The following HEMK2 variants were observed in gnomAD, a reference collection of about 807,000 sequenced individuals.
HEMK2 encodes HemK methyltransferase 2, ETF1 glutamine and histone H4 lysine.
the HEMK2 span, among the ~76,000 whole-genome samples, chr21:28,601,677 T>C: frequency 1.3e-5 from 2 of 151,834 alleles, no homozygotes; most frequent in African/African-American, 4.8e-5. Flanking sequence ...GATTGCTCTT[T>C]CTTTCTAGTA....
the HEMK2 span, among the ~76,000 whole-genome samples, chr21:28,861,230 A>G: frequency 6.6e-5 from 10 of 152,218 alleles, no homozygotes; most frequent in African/African-American, 2.4e-4. Context: ...ACAAGATGGC[A>G]GGGGCCAAGT....
At chr21:28,793,048 G>C in the HEMK2 span, among the ~76,000 whole-genome samples, 12 of 152,312 alleles carry the variant, frequency 7.9e-5, no homozygotes, top group South Asian at 2.1e-4. Context: ...TATAATGCCT[G>C]GGAATTCTGT....
the HEMK2 span, among the ~76,000 whole-genome samples, chr21:28,599,935 T>A: frequency 6.6e-6 from 1 of 152,178 alleles, no homozygotes; most frequent in Non-Finnish European, 1.5e-5. Flanking sequence ...GTGTCTCACA[T>A]CTAGGTCATG....
At chr21:28,849,641 G>A in the HEMK2 span, among the ~76,000 whole-genome samples, 4 of 152,148 alleles carry the variant, frequency 2.6e-5, no homozygotes, top group Non-Finnish European at 4.4e-5. Flanking sequence ...AATGATATGA[G>A]AGGTAAAACA....
the HEMK2 span, among the ~76,000 whole-genome samples, chr21:28,664,237 A>T: frequency 3.3e-5 from 5 of 152,198 alleles, no homozygotes; most frequent in African/African-American, 9.6e-5. Context: ...CATGGAATAG[A>T]CACTTTGACT....
the HEMK2 span, among the ~76,000 whole-genome samples, chr21:28,852,921 C>T: frequency 2.6e-5 from 4 of 152,210 alleles, no homozygotes; most frequent in African/African-American, 7.2e-5. Flanking sequence ...CTGGTAGCTA[C>T]ACCCACCTTG....
the HEMK2 span, among the ~76,000 whole-genome samples, chr21:28,830,095 T>C: frequency 6.6e-6 from 1 of 152,186 alleles, no homozygotes; most frequent in Non-Finnish European, 1.5e-5. Context: ...CTTATATCTG[T>C]ATAATTAGAT....
chr21:28,644,297 C>G, the HEMK2 span, among the ~76,000 whole-genome samples: 2 of 152,188 alleles, frequency 1.3e-5, no homozygotes, highest in African/African-American at 2.4e-5. Context: ...AATTCACCCA[C>G]TATCACAAGA....
the HEMK2 span, among the ~76,000 whole-genome samples, chr21:28,699,873 T>C: frequency 1.4e-3 from 216 of 152,326 alleles, 1 homozygote; most frequent in African/African-American, 4.8e-3. Context: ...ACAAGAATCC[T>C]TACTCAGATT....
the HEMK2 span, among the ~76,000 whole-genome samples, chr21:28,850,784 A>C: frequency 6.6e-6 from 1 of 152,162 alleles, no homozygotes; most frequent in Non-Finnish European, 1.5e-5. Context: ...ATGTGCATAT[A>C]AAAGGGAGTT....
the HEMK2 span, among the ~76,000 whole-genome samples, chr21:28,619,945 T>C: frequency 5.3e-5 from 8 of 152,200 alleles, no homozygotes; most frequent in African/African-American, 1.9e-4. Flanking sequence ...TGGGCTGACA[T>C]GATGGGATTT....
chr21:28,652,330 C>T, the HEMK2 span, among the ~76,000 whole-genome samples: 19 of 152,152 alleles, frequency 1.2e-4, no homozygotes, highest in Non-Finnish European at 2.2e-4. Context: ...GAAACCAACA[C>T]CAGGATGAAC....
At chr21:28,579,406 T>C in the HEMK2 span, among the ~76,000 whole-genome samples, 1 of 152,322 alleles carries the variant, frequency 6.6e-6, no homozygotes, top group Admixed American at 6.5e-5. Context: ...AGTTTCCTCA[T>C]TAAGGAATTT....
chr21:28,625,998 A>G, the HEMK2 span, among the ~76,000 whole-genome samples: 2 of 152,208 alleles, frequency 1.3e-5, no homozygotes, highest in African/African-American at 2.4e-5. Context: ...GCTATTCTCC[A>G]AGCTGTAGGA....
the HEMK2 span, among the ~76,000 whole-genome samples, chr21:28,604,258 C>T: frequency 1.3e-5 from 2 of 152,228 alleles, no homozygotes; most frequent in Middle Eastern, 3.4e-3. Flanking sequence ...ACCAGGGCCT[C>T]TCAGGGAGTG....
the HEMK2 span, among the ~76,000 whole-genome samples, chr21:28,600,818 C>T: frequency 8.5e-5 from 13 of 152,230 alleles, no homozygotes; most frequent in African/African-American, 3.1e-4. Flanking sequence ...AATCATTTCT[C>T]TCAAGTTTAA....
At chr21:28,843,767 T>C in the HEMK2 span, among the ~76,000 whole-genome samples, 2 of 152,162 alleles carry the variant, frequency 1.3e-5, no homozygotes, top group Non-Finnish European at 2.9e-5. Flanking sequence ...TATTCATGGT[T>C]GGGAAATGAG....
chr21:28,761,465 G>C, the HEMK2 span, among the ~76,000 whole-genome samples: 55 of 152,118 alleles, frequency 3.6e-4, no homozygotes, highest in African/African-American at 1.3e-3. Context: ...GAGAAAGGAG[G>C]CATCTCATTG....
chr21:28,686,620 C>T, the HEMK2 span, among the ~76,000 whole-genome samples: 1 of 152,166 alleles, frequency 6.6e-6, no homozygotes, highest in African/African-American at 2.4e-5. Flanking sequence ...AGCAAGAAAG[C>T]ATAAAAGAGT....
Sources: gnomAD v4.1 joint callset for allele counts (sites outside exome capture counted in the v4.1 genomes callset) on GRCh38, gnomAD v4.1.1 for gene constraint, MANE v1.5 for transcripts, NCBI Gene and HGNC (gene_info 2026-07-23, HGNC 2026-07-21) for gene names.